The following LMO7 variants were observed in gnomAD, a reference collection of about 807,000 sequenced individuals.
LMO7 encodes the protein LIM domain 7, also known as LIM domain only protein 7.
In LMO7, 120 loss-of-function variants were observed where a neutral mutation model predicts 206.5. The ratio of observed to expected loss-of-function variants is 0.58; its 90% CI spans 0.50 to 0.68. The LOEUF is 0.68. Among genes scored for constraint, LMO7 ranks in the 30% least tolerant of loss-of-function variants. The pLI is 0.00. For missense variants in LMO7, 1,959 were observed against 1,957.9 expected, an observed-to-expected ratio of 1.00 and a Z score of -0.01; for synonymous variants, 706 against 681.5, an observed-to-expected ratio of 1.04 and a Z score of -0.56.
intron 2 of LMO7, chr13:75,623,330 T>G: frequency 1.5e-6 from 2 of 1,346,706 alleles, no homozygotes; most frequent in Non-Finnish European, 2.1e-6. Context: ...GGTAATATTT[T>G]TCTGTATTTT....
At chr13:75,717,082 G>C (rs9593122) in intron 2 of LMO7, among the ~76,000 whole-genome samples, 10,768 of 151,842 alleles carry the variant, frequency 0.071, 807 homozygotes, top group African/African-American at 0.18. Context: ...CACTCTTCTC[G>C]GCCGGGCGCG....
intron 11 of LMO7, among the ~76,000 whole-genome samples, chr13:75,813,082 T>C (rs2056596329): frequency 6.6e-6 from 1 of 152,234 alleles, no homozygotes; most frequent in African/African-American, 2.4e-5. Context: ...GCTTCGCCTC[T>C]GAGATAATTC....
At position 75,849,165 on chromosome 13, in the gene LMO7, T is replaced by C. The variant is rs372859988; in HGVS notation, c.4237T>C (p.Leu1413=). The change falls in exon 27 of 31, where the codon TTG becomes CTG. Residue 1413 remains leucine, a synonymous_variant. Coordinates refer to ENST00000377534, the MANE Select transcript of LMO7 (RefSeq NM_001306080.2). ...AGAACAAGTACCATCAGGAGCAGAATTGGAGAGGCAACAAATCCTTCAGGA... is the reference window on the plus strand; with the variant it reads ...AGAACAAGTACCATCAGGAGCAGAACTGGAGAGGCAACAAATCCTTCAGGA... ...KKEQVPSGAE[L]ERQQILQEMR... 62 of 1,613,766 alleles carry C rather than the reference T, an allele frequency of 3.8e-5. No homozygotes were observed. Among genetic ancestry groups the C allele is most frequent in the South Asian group, 1.8e-4 (16 of 91,066 alleles).
At position 75,710,349 on chromosome 13, in the gene LMO7, G is replaced by A. The variant is rs566552578; in HGVS notation, c.70-2833G>A. On this transcript the variant is annotated intron_variant, in intron 1 of 30. Transcript: ENST00000377534. ...AATTCTGTGAAGAAAGGCATTGGTA[G>A]CTTGATGGGGATGGCATTGAATCTA... 5.3e-3 allele frequency among the ~76,000 whole-genome samples: 812 copies of A among 152,320 alleles called. 6 individuals carry two copies. The highest frequency in any genetic ancestry group is 0.019 in the African/African-American group (782 of 41,556).
At chr13:75,848,683 C>T (rs963860808) in intron 26 of LMO7, among the ~76,000 whole-genome samples, 1 of 151,896 alleles carries the variant, frequency 6.6e-6, no homozygotes, top group East Asian at 1.9e-4. Flanking sequence ...GTTGGTTCCA[C>T]ATTTTTGCCT....
At chr13:75,657,449 C>A (rs1052577649) in intron 1 of LMO7, among the ~76,000 whole-genome samples, 1 of 152,050 alleles carries the variant, frequency 6.6e-6, no homozygotes, top group Non-Finnish European at 1.5e-5. Context: ...GTGACACCAG[C>A]AGTCAATTTA....
At chr13:75,712,428 C>A (rs539172442) in intron 1 of LMO7, among the ~76,000 whole-genome samples, 1 of 152,228 alleles carries the variant, frequency 6.6e-6, no homozygotes, top group East Asian at 1.9e-4. Flanking sequence ...GCTACTATTT[C>A]CCCTGTGGAA....
chr13:75,762,548 C>T (rs2048337807), intron 4 of LMO7, among the ~76,000 whole-genome samples: 2 of 152,070 alleles, frequency 1.3e-5, no homozygotes, highest in Admixed American at 6.5e-5. Context: ...TTTGTTGGCT[C>T]CCAAGTCCAA....
intron 11 of LMO7, among the ~76,000 whole-genome samples, chr13:75,814,308 C>G (rs141806809): frequency 1.8e-4 from 27 of 152,300 alleles, no homozygotes; most frequent in African/African-American, 4.8e-4. Flanking sequence ...ATGAGTATAT[C>G]CTGCCTGCCT....
rs779833440 is a variant in LMO7, at chr13:75,713,215, T to A, written c.103T>A (p.Phe35Ile). The A allele has an allele frequency of 4.3e-6, 7 of 1,611,622 alleles. No individual in the cohort carries two copies. The highest frequency in any genetic ancestry group is 5.9e-6 in the Non-Finnish European group (7 of 1,178,628). ...AGAGAAGAATTTTGAAACAAAAGATTTTCGAGCCTCTCTAGAAAATGGTGT... is the reference window on the plus strand; with the variant it reads ...AGAGAAGAATTTTGAAACAAAAGATATTCGAGCCTCTCTAGAAAATGGTGT... The part of the protein sequence containing the change: ...VTEKNFETKD[F>I]RASLENGVLL... The change falls in exon 2 of 31, where the codon TTT becomes ATT. Residue 35 changes from phenylalanine (F) to isoleucine (I), a missense_variant. Transcript: ENST00000377534.
At position 75,823,707 on chromosome 13, in the gene LMO7, A is replaced by G. The variant is rs1331982952; in HGVS notation, c.2783A>G (p.Glu928Gly). The change falls in exon 15 of 31, where the codon GAA (glutamate) becomes GGA (glycine). Residue 928 changes from glutamate (E) to glycine (G), a missense_variant. Coordinates refer to ENST00000377534, the MANE Select transcript of LMO7 (RefSeq NM_001306080.2). ...LSSQKEVAAT[E>G]EDVTRLPSPT... ...AGCCAGAAAGAGGTAGCAGCAACAG[A>G]AGAAGATGTGACAAGGCTGCCCTCT... is the stretch of plus-strand genomic sequence containing the variant. 1 of 1,613,260 alleles carries G rather than the reference A, an allele frequency of 6.2e-7. No individual in the cohort carries two copies. Among genetic ancestry groups the G allele is most frequent in the Non-Finnish European group, 8.5e-7 (1 of 1,179,998 alleles).
chr13:75,758,948 A>G (rs1247347506), intron 3 of LMO7, among the ~76,000 whole-genome samples: 1 of 152,200 alleles, frequency 6.6e-6, no homozygotes, highest in Non-Finnish European at 1.5e-5. Flanking sequence ...ACACTGCTGT[A>G]AAGAACTGCC....
intron 26 of LMO7, among the ~76,000 whole-genome samples, chr13:75,847,427 C>T (rs1455964440): frequency 6.6e-6 from 1 of 152,142 alleles, no homozygotes; most frequent in African/African-American, 2.4e-5. Flanking sequence ...AGTCTAGTAA[C>T]ATTTATGGAT....
intron 3 of LMO7, among the ~76,000 whole-genome samples, chr13:75,742,436 A>G (rs2046490034): frequency 1.3e-5 from 2 of 152,242 alleles, no homozygotes; most frequent in South Asian, 4.1e-4. Context: ...AGCAAGAAGA[A>G]TAAAGCTGGA....
intron 15 of LMO7, among the ~76,000 whole-genome samples, chr13:75,832,355 A>T (rs1020171199): frequency 6.6e-6 from 1 of 152,208 alleles, no homozygotes; most frequent in African/African-American, 2.4e-5. Context: ...TTATGAGCTG[A>T]TGTCATTTTG....
In LMO7 at chr13:75,840,034, T is replaced by G. The variant is rs1490995631; in HGVS notation, c.3452-51T>G. On this transcript the variant is annotated intron_variant, in intron 20 of 30. Coordinates refer to ENST00000377534, the MANE Select transcript of LMO7 (RefSeq NM_001306080.2). ...TCTGAAAGGAATTATTTCATAGAAATGAAGACTTATATTGTATATTTTTCT... is the reference window on the plus strand; with the variant it reads ...TCTGAAAGGAATTATTTCATAGAAAGGAAGACTTATATTGTATATTTTTCT... 4.4e-5 allele frequency: 68 copies of G among 1,558,248 alleles called. 1 individual carries two copies. The highest frequency in any genetic ancestry group is 6.0e-5 in the Non-Finnish European group (68 of 1,130,408).
chr13:75,777,812 AT>A (rs2050732139), intron 4 of LMO7, among the ~76,000 whole-genome samples: 2 of 151,644 alleles, frequency 1.3e-5, no homozygotes, highest in African/African-American at 4.8e-5. Flanking sequence ...CGCCCGCCTA[AT>A]TTTTTGTGTT....
chr13:75,685,529 G>T (rs970637045), intron 1 of LMO7, among the ~76,000 whole-genome samples: 1 of 152,130 alleles, frequency 6.6e-6, no homozygotes, highest in African/African-American at 2.4e-5. Flanking sequence ...GTCAACAGGG[G>T]GAAGCACTTG....
chr13:75,822,775 T>C lies in LMO7; in HGVS notation c.2641-790T>C, dbSNP rs921175216. 7.5e-3 allele frequency among the ~76,000 whole-genome samples: 765 copies of C among 102,470 alleles called. 4 individuals are homozygous for C. The highest frequency in any genetic ancestry group is 0.025 in the East Asian group (77 of 3,102). 67.2% of individuals were successfully genotyped at this position (102,470 alleles called of 152,430 possible). ...TATTTTTAGAAACTATATATATATA[T>C]ATATATATATATATATATATAGTTT... On this transcript the variant is annotated intron_variant, in intron 14 of 30. Transcript: ENST00000377534.
Sources: allele counts gnomAD v4.1 joint callset (sites outside exome capture counted in the v4.1 genomes callset), GRCh38; gene constraint gnomAD v4.1.1; transcripts MANE v1.5; gene names NCBI Gene and HGNC (gene_info 2026-07-23, HGNC 2026-07-21).